SEMA3C: variants seen among roughly 807,000 people sequenced by gnomAD.
SEMA3C encodes the protein semaphorin-3C.
SEMA3C carries 47 observed loss-of-function variants against 89.4 expected under a neutral mutation model. The observed-to-expected ratio is 0.53, with a 90% confidence interval of 0.42 to 0.67. The LOEUF is 0.67. Ranked by LOEUF, SEMA3C falls within the 30% of genes least tolerant of loss-of-function variation. The pLI is 0.00. For missense variants in SEMA3C, 839 were observed against 929.1 expected, an observed-to-expected ratio of 0.90 and a Z score of 1.26; for synonymous variants, 310 against 320.2, an observed-to-expected ratio of 0.97 and a Z score of 0.34.
chr7:80,759,201 T>C (rs936435229), intron 14 of SEMA3C, among the ~76,000 whole-genome samples: 6 of 152,090 alleles, frequency 3.9e-5, no homozygotes, highest in African/African-American at 1.2e-4. Flanking sequence ...GTGCATAATA[T>C]GGTTCTCAGG....
intron 2 of SEMA3C, among the ~76,000 whole-genome samples, chr7:80,875,012 AG>A (rs1791167249): frequency 6.6e-6 from 1 of 151,470 alleles, no homozygotes; most frequent in Non-Finnish European, 1.5e-5. Context: ...TGAACTTGGG[AG>A]GCGGAGCTTG....
At position 80,805,735 on chromosome 7, in the gene SEMA3C, A is replaced by G. The variant is rs1261653667; in HGVS notation, c.562T>C (p.Tyr188His). ...MINEELFSGMYIDFMGTDAAI... is the reference protein window; with the variant it reads ...MINEELFSGMHIDFMGTDAAI... ...GCATCTGTCCCCATGAAATCTATAT[A>G]CATTCCAGAGAAAAGCTCCTCATCT... The change falls in exon 7 of 18, where the codon TAT becomes CAT. Residue 188 changes from tyrosine to histidine, a missense_variant. Physicochemically the swap from Tyr to His is moderately conservative, Grantham distance 83. Transcript: ENST00000265361. 2 of 1,600,856 alleles carry G rather than the reference A, an allele frequency of 1.2e-6. No individual in the cohort carries two copies. Among genetic ancestry groups the G allele is most frequent in the Admixed American group, 1.7e-5 (1 of 58,504 alleles).
chr7:80,884,960 A>G, intron 2 of SEMA3C, among the ~76,000 whole-genome samples: 1 of 152,210 alleles, frequency 6.6e-6, no homozygotes, highest in East Asian at 1.9e-4. Context: ...AAAATCTTCT[A>G]AAAATATTTG....
At chr7:80,810,400 C>T (rs933456046) in intron 6 of SEMA3C, among the ~76,000 whole-genome samples, 1 of 152,072 alleles carries the variant, frequency 6.6e-6, no homozygotes, top group Non-Finnish European at 1.5e-5. Flanking sequence ...CTGGGAATGA[C>T]AAAACTGTCA....
intron 5 of SEMA3C, among the ~76,000 whole-genome samples, chr7:80,812,686 A>G (rs1378087284): frequency 3.9e-5 from 6 of 152,144 alleles, no homozygotes; most frequent in Admixed American, 6.5e-5. Context: ...GCACCCTGAA[A>G]TAATTCCTAA....
chr7:80,886,965 A>G (rs1791495507), intron 2 of SEMA3C, among the ~76,000 whole-genome samples: 1 of 152,186 alleles, frequency 6.6e-6, no homozygotes, highest in Admixed American at 6.5e-5. Flanking sequence ...GCTAAACACT[A>G]AAGTCTTGAA....
At chr7:80,808,240 T>C (rs887322256) in intron 6 of SEMA3C, among the ~76,000 whole-genome samples, 2 of 152,192 alleles carry the variant, frequency 1.3e-5, no homozygotes, top group Non-Finnish European at 2.9e-5. Context: ...AAAACTCCAG[T>C]AGCAGCTATG....
chr7:80,873,501 C>A (rs531004907), intron 2 of SEMA3C, among the ~76,000 whole-genome samples: 1 of 152,288 alleles, frequency 6.6e-6, no homozygotes, highest in Non-Finnish European at 1.5e-5. Flanking sequence ...CGAATCAAAT[C>A]ATCAGGCAAT....
intron 2 of SEMA3C, among the ~76,000 whole-genome samples, chr7:80,853,975 T>C (rs1167593370): frequency 6.6e-6 from 1 of 151,786 alleles, no homozygotes; most frequent in African/African-American, 2.4e-5. Flanking sequence ...AAAAAGGAGA[T>C]TCATTTTGGA....
intron 1 of SEMA3C, 100 bp from the exon 2 acceptor site, chr7:80,916,919 A>T (rs1428140668): frequency 9.6e-6 from 9 of 936,096 alleles, no homozygotes; most frequent in Non-Finnish European, 1.4e-5. Context: ...CAAAAGAACC[A>T]TCTGAACTTT....
chr7:80,838,654 G>A (rs577048578), intron 2 of SEMA3C, among the ~76,000 whole-genome samples: 1 of 152,278 alleles, frequency 6.6e-6, no homozygotes, highest in South Asian at 2.1e-4. Context: ...TTGTCTCACA[G>A]TTTCACATGG....
chr7:80,822,057 A>G (rs1445034627), intron 4 of SEMA3C, among the ~76,000 whole-genome samples: 1 of 152,198 alleles, frequency 6.6e-6, no homozygotes, highest in African/African-American at 2.4e-5. Context: ...TTTCTGACCT[A>G]GACTACTGCA....
chr7:80,827,457 C>G lies in SEMA3C; in HGVS notation c.295G>C (p.Glu99Gln). 2.0e-6 allele frequency: 3 copies of G among 1,515,090 alleles called. No homozygotes were observed. In the African/African-American group the frequency reaches 4.7e-5, roughly 24 times the overall value. 93.9% of individuals were successfully genotyped at this position (1,515,090 alleles called of 1,614,324 possible). ...TCTTTGCCAGCCATTTTGCATTCTTCAACTTTGATTGTAGATGCTGGCCAG... is the reference window on the plus strand; with the variant it reads ...TCTTTGCCAGCCATTTTGCATTCTTGAACTTTGATTGTAGATGCTGGCCAG... ...VFWPASTIKV[E>Q]ECKMAGKDPT... The change falls in exon 4 of 18, where the codon GAA (glutamate) becomes CAA (glutamine). Residue 99 changes from glutamate (E) to glutamine (Q), a missense_variant. Coordinates refer to ENST00000265361, the MANE Select transcript of SEMA3C (RefSeq NM_006379.5).
intron 12 of SEMA3C, among the ~76,000 whole-genome samples, chr7:80,771,349 T>C (rs1788427765): frequency 1.3e-5 from 2 of 152,234 alleles, no homozygotes; most frequent in South Asian, 4.1e-4. Flanking sequence ...GCAAAGTCAT[T>C]TGCATAATGC....
intron 15 of SEMA3C, among the ~76,000 whole-genome samples, chr7:80,755,152 T>C (rs1220408619): frequency 6.6e-6 from 1 of 151,686 alleles, no homozygotes; most frequent in African/African-American, 2.4e-5. Context: ...TTATTCATAG[T>C]TTAATATCAG....
chr7:80,809,082 A>C (rs918909626), intron 6 of SEMA3C, among the ~76,000 whole-genome samples: 1 of 152,096 alleles, frequency 6.6e-6, no homozygotes, highest in Non-Finnish European at 1.5e-5. Flanking sequence ...CGGCTAACTC[A>C]GACATATTTT....
At chr7:80,836,309 G>T (rs987683003) in intron 2 of SEMA3C, among the ~76,000 whole-genome samples, 2 of 152,138 alleles carry the variant, frequency 1.3e-5, no homozygotes, top group Admixed American at 6.6e-5. Flanking sequence ...GGCATGATGG[G>T]ATAAATGGAA....
At chr7:80,752,758 G>A (rs1028337673) in intron 15 of SEMA3C, among the ~76,000 whole-genome samples, 5 of 151,896 alleles carry the variant, frequency 3.3e-5, no homozygotes. Flanking sequence ...CTAAGAAGTC[G>A]ACGTAGAGCA....
chr7:80,845,931 T>G lies in SEMA3C; in HGVS notation c.104-17186A>C, dbSNP rs977425742. Among the ~76,000 whole-genome samples, 11 of 152,320 alleles carry G rather than the reference T, an allele frequency of 7.2e-5. No individual in the cohort carries two copies. The East Asian group carries it at 2.1e-3, about 29-fold the overall frequency. On this transcript the variant is annotated intron_variant, in intron 2 of 17. Transcript: ENST00000265361. ...CCCATTTGAAATCAATTCAATGACT[T>G]CCTGTTTTTTAACCAATAGTTCTGA...
Sources: allele counts gnomAD v4.1 joint callset (sites outside exome capture counted in the v4.1 genomes callset), GRCh38; gene constraint gnomAD v4.1.1; transcripts MANE v1.5; gene names NCBI Gene and HGNC (gene_info 2026-07-23, HGNC 2026-07-21).